KLHL14: variants seen among roughly 807,000 people sequenced by gnomAD.
KLHL14 encodes kelch-like protein 14.
A neutral mutation model predicts 64.3 loss-of-function variants in KLHL14; 22 were observed. The observed-to-expected ratio is 0.34, with a 90% CI of 0.24 to 0.49. The LOEUF (loss-of-function observed/expected upper bound fraction) is 0.49. Ranked by LOEUF, KLHL14 falls within the 20% of genes least tolerant of loss-of-function variation. The pLI is 0.99. For synonymous variants in KLHL14, 322 were observed against 333.4 expected (o/e 0.97, Z 0.37); for missense variants, 661 against 789.0 (o/e 0.84, Z 1.94).
rs1266054606 is a variant in KLHL14 at position 32,770,438 on chromosome 18, C to G, written c.154G>C (p.Ala52Pro). Reference sequence around the variant, plus strand: ...GATCGGAAGTACTGCGAGCAGGAGGCCAGCACGGCCTTGTGGCAATGGAAC... The same window carrying G: ...GATCGGAAGTACTGCGAGCAGGAGGGCAGCACGGCCTTGTGGCAATGGAAC... ...QQFHCHKAVL[A>P]SCSQYFRSLF... is the part of the protein sequence containing the mutation. Residue 52 changes from alanine to proline, a missense_variant, in exon 2 of 9, where the codon GCC (alanine) becomes CCC (proline). Transcript: ENST00000359358. This position sits in a 1 kb window ranked among gnomAD's most constrained non-coding sequence, Gnocchi z 6.7. 1 of 1,611,480 alleles carries G rather than the reference C, an allele frequency of 6.2e-7. No individual in the cohort carries two copies.
At chr18:32,752,990 TGTGTGTC>T (rs2050264280) in intron 2 of KLHL14, among the ~76,000 whole-genome samples, 1 of 151,198 alleles carries the variant, frequency 6.6e-6, no homozygotes, top group Non-Finnish European at 1.5e-5. Context: ...TGTGTGTGTG[TGTGTGTC>T]TTTTAAGCTT....
rs2049932288 is a variant in KLHL14 at position 32,695,500 on chromosome 18, C to A, written c.1122G>T (p.Leu374Phe). The part of the protein sequence containing the change: ...HHCVVEVENF[L>F]FVLGGEDQWN... Reference sequence around the variant, plus strand: ...ACTGGTCCTCTCCACCCAACACGAACAAGAAGTTTTCCACCTCCACAACGC... The same window carrying A: ...ACTGGTCCTCTCCACCCAACACGAAAAAGAAGTTTTCCACCTCCACAACGC... Residue 374 changes from leucine to phenylalanine, a missense_variant, in exon 4 of 9, where the codon TTG (leucine) becomes TTT (phenylalanine). Leu to Phe is a conservative substitution (Grantham distance 22, BLOSUM62 0). Coordinates refer to ENST00000359358, the MANE Select transcript of KLHL14 (RefSeq NM_020805.3). 28 of 1,612,922 alleles carry A rather than the reference C, an allele frequency of 1.7e-5. No individual in the cohort carries two copies. Among genetic ancestry groups the A allele is most frequent in the Non-Finnish European group, 2.1e-5 (25 of 1,179,348 alleles).
At chr18:32,729,026 T>C (rs1332409552) in intron 3 of KLHL14, among the ~76,000 whole-genome samples, 1 of 152,184 alleles carries the variant, frequency 6.6e-6, no homozygotes, top group Non-Finnish European at 1.5e-5. Flanking sequence ...CCACCCAATA[T>C]GTGGTCCTTT....
At position 32,673,134 on chromosome 18, in the gene KLHL14, A is replaced by G. The variant is rs940361843; in HGVS notation, c.*1523T>C. 6.6e-6 allele frequency: 1 copy of G among 152,582 alleles called. No individual in the cohort carries two copies. The highest frequency in any genetic ancestry group is 2.4e-5 in the African/African-American group (1 of 41,426). 9.5% of individuals were successfully genotyped at this position (152,582 alleles called of 1,614,324 possible). A position where few individuals can be genotyped will look rare whatever the true frequency, so the allele number is the denominator to read the frequency against. ...TACAACGGATCCTTTGGATCTGAAC[A>G]TACAAATAAATACAAAAACAACGAA... On this transcript the variant is annotated 3_prime_UTR_variant, in exon 9 of 9. Transcript: ENST00000359358.
chr18:32,770,409 G>A lies in KLHL14; in HGVS notation c.183C>T (p.Leu61=), dbSNP rs148422296. The A allele has an allele frequency of 3.5e-5, 56 of 1,603,370 alleles. No individual in the cohort carries two copies. The African/African-American group carries it at 7.1e-4, about 20-fold the overall frequency. ...LASCSQYFRS[L]FSSHPPLGGG... ...CCCCGAGAGGGGGGTGGCTGGAGAA[G>A]AGCGATCGGAAGTACTGCGAGCAGG... The change falls in exon 2 of 9, where the codon CTC becomes CTT. Residue 61 remains leucine (L), a synonymous_variant. Coordinates refer to ENST00000359358, the MANE Select transcript of KLHL14 (RefSeq NM_020805.3). The surrounding 1 kb of genome is among the most constrained non-coding windows in gnomAD (Gnocchi z 6.7).
intron 2 of KLHL14, among the ~76,000 whole-genome samples, chr18:32,750,799 T>C (rs2050247394): frequency 6.6e-6 from 1 of 152,224 alleles, no homozygotes; most frequent in South Asian, 2.1e-4. Context: ...GGTTCTCCCT[T>C]GTGCTGTTGT....
chr18:32,688,742 A>T (rs529440887), intron 4 of KLHL14, among the ~76,000 whole-genome samples: 127 of 152,302 alleles, frequency 8.3e-4, no homozygotes, highest in African/African-American at 3.0e-3. Context: ...TGTTATAAGG[A>T]CAATAGCAAG....
chr18:32,688,064 T>G (rs2049888168), intron 4 of KLHL14, among the ~76,000 whole-genome samples: 1 of 152,212 alleles, frequency 6.6e-6, no homozygotes, highest in African/African-American at 2.4e-5. Flanking sequence ...TCCAAGGTAT[T>G]AAAATGAATC....
intron 2 of KLHL14, among the ~76,000 whole-genome samples, chr18:32,756,974 C>T (rs2050285462): frequency 6.6e-6 from 1 of 152,170 alleles, no homozygotes; most frequent in African/African-American, 2.4e-5. Flanking sequence ...AATACCTTGT[C>T]TCCCTGAAAT....
chr18:32,762,492 C>A (rs1250104406), intron 2 of KLHL14, among the ~76,000 whole-genome samples: 1 of 151,714 alleles, frequency 6.6e-6, no homozygotes, highest in Non-Finnish European at 1.5e-5. Flanking sequence ...TTCTCATTAC[C>A]CTATAATTTA....
chr18:32,769,941 G>A lies in KLHL14; in HGVS notation c.651C>T (p.Asn217=). 6.2e-7 allele frequency: 1 copy of A among 1,614,218 alleles called. No individual in the cohort carries two copies. The highest frequency in any genetic ancestry group is 8.5e-7 in the Non-Finnish European group (1 of 1,180,052). Residue 217 remains asparagine, a synonymous_variant, in exon 2 of 9, where the codon AAC becomes AAT. Coordinates refer to ENST00000359358, the MANE Select transcript of KLHL14 (RefSeq NM_020805.3). ...CCAGCAGGGCGCGCATCTCCTCGAA[G>A]TTGAGCAGCAGCACATCCTCCACCA... The part of the protein sequence containing the change: ...KYLVEDVLLL[N]FEEMRALLDS...
At chr18:32,760,629 C>T (rs1029301356) in intron 2 of KLHL14, among the ~76,000 whole-genome samples, 13 of 152,162 alleles carry the variant, frequency 8.5e-5, no homozygotes, top group African/African-American at 2.9e-4. Flanking sequence ...AGTTCAGAGT[C>T]CCCGCGCAGG....
Position 32,680,389 on chromosome 18 carries a change from A to G in KLHL14, c.1429+20T>C, listed in dbSNP as rs199859493. ...GCTTTGGAACTGAACTTTGTAACAG[A>G]AAGTGGAGGAATTACTTGCCTGAAA... On this transcript the variant is annotated intron_variant, in intron 6 of 8. Transcript: ENST00000359358. The surrounding 1 kb of genome is among the most constrained non-coding windows in gnomAD (Gnocchi z 4.8). 6 of 1,613,730 alleles carry G rather than the reference A, an allele frequency of 3.7e-6. No homozygotes were observed. The East Asian group carries it at 1.1e-4, about 30-fold the overall frequency.
Position 32,770,635 on chromosome 18 carries a change from C to T in KLHL14, c.-43-1G>A. 9.4e-7 allele frequency: 1 copy of T among 1,066,260 alleles called. No individual in the cohort carries two copies. The highest frequency in any genetic ancestry group is 1.6e-5 in the South Asian group (1 of 63,400). The allele number at this position is 1,066,260 out of a possible 1,614,324, so 66.0% of individuals were successfully genotyped here. ...ACCTGGCTTTAAACCCTCCTCCAAC[C>T]TGGCAGACAGGGGTGGGGGATGGGA... On this transcript the variant is annotated splice_acceptor_variant, in intron 1 of 8. Coordinates refer to ENST00000359358, the MANE Select transcript of KLHL14 (RefSeq NM_020805.3). LOFTEE classifies it low-confidence loss of function (5UTR_SPLICE). This position sits in a 1 kb window ranked among gnomAD's most constrained non-coding sequence, Gnocchi z 6.7.
intron 3 of KLHL14, among the ~76,000 whole-genome samples, chr18:32,706,629 G>T (rs1364207509): frequency 2.0e-5 from 3 of 152,228 alleles, no homozygotes; most frequent in Middle Eastern, 3.4e-3. Flanking sequence ...TGATAACTTG[G>T]TCCCTAAACT....
At chr18:32,696,213 G>T (rs910378389) in intron 3 of KLHL14, among the ~76,000 whole-genome samples, 5 of 152,114 alleles carry the variant, frequency 3.3e-5, no homozygotes, top group Middle Eastern at 6.3e-3. Context: ...AAACTGTCAG[G>T]AACATCACAA....
chr18:32,680,186 C>T lies in KLHL14; in HGVS notation c.1571G>A (p.Gly524Glu). 6.2e-7 allele frequency: 1 copy of T among 1,613,510 alleles called. No individual in the cohort carries two copies. The highest frequency in any genetic ancestry group is 8.5e-7 in the Non-Finnish European group (1 of 1,179,684). The change falls in exon 7 of 9, where the codon GGA becomes GAA. Residue 524 changes from glycine (G) to glutamate (E), a missense_variant. Around this residue, in one of 2 missense-constraint regions of KLHL14, gnomAD observed 330 missense variants for 450.0 expected, o/e 0.73. Coordinates refer to ENST00000359358, the MANE Select transcript of KLHL14 (RefSeq NM_020805.3). The surrounding 1 kb of genome is among the most constrained non-coding windows in gnomAD (Gnocchi z 4.8). ...AVMNDRLYAI[G>E]GNHLKGFSHL... ...AAAAAGACCTTTCAAATGATTTCCT[C>T]CAATTGCATACAAGCGATCATTCAT... is the stretch of plus-strand genomic sequence containing the variant.
In KLHL14 at chr18:32,770,291, G is replaced by C. The variant is rs2050374251; in HGVS notation, c.301C>G (p.Gln101Glu). 3 of 1,586,896 alleles carry C rather than the reference G, an allele frequency of 1.9e-6. No homozygotes were observed. Among genetic ancestry groups the C allele is most frequent in the South Asian group, 1.2e-5 (1 of 85,696 alleles). Residue 101 changes from glutamine (Q) to glutamate (E), a missense_variant, in exon 2 of 9, where the codon CAG (glutamine) becomes GAG (glutamate). Gln to Glu is a conservative substitution (Grantham distance 29). Transcript: ENST00000359358. The surrounding 1 kb of genome is among the most constrained non-coding windows in gnomAD (Gnocchi z 6.7). ...GAAGAAGGAGTCCCGGGCTCCTCCT[G>C]CGGCGGCGGCTGCTGCTGCTGTGAC... is the stretch of plus-strand genomic sequence containing the variant. ...QPSQQQQPPP[Q>E]EEPGTPSSSP... is the part of the protein sequence containing the mutation.
intron 5 of KLHL14, among the ~76,000 whole-genome samples, chr18:32,684,132 T>C (rs2144470871): frequency 6.6e-6 from 1 of 152,350 alleles, no homozygotes; most frequent in East Asian, 1.9e-4. Context: ...AAAGCATTTC[T>C]ACTGTTCCAA....
Sources: allele counts gnomAD v4.1 joint callset (sites outside exome capture counted in the v4.1 genomes callset), GRCh38; gene constraint gnomAD v4.1.1; regional missense constraint gnomAD v4.1.1; non-coding constraint Gnocchi (gnomAD v3.1); transcripts MANE v1.5; gene names NCBI Gene and HGNC (gene_info 2026-07-23, HGNC 2026-07-21).